CRTC3: variants seen among roughly 807,000 people sequenced by gnomAD.
CRTC3 encodes the protein CREB-regulated transcription coactivator 3.
A neutral mutation model predicts 74.5 loss-of-function variants in CRTC3; 26 were observed. The ratio of observed to expected loss-of-function variants is 0.35; its 90% CI spans 0.26 to 0.48. CRTC3 has a LOEUF of 0.48. CRTC3 is among the 20% of genes least tolerant of loss of function. The pLI, the probability that CRTC3 is intolerant of heterozygous loss-of-function variation, is 0.99. For missense variants in CRTC3, 760 were observed against 787.3 expected, an observed-to-expected ratio of 0.97 and a Z score of 0.41; for synonymous variants, 377 against 325.8, an observed-to-expected ratio of 1.16 and a Z score of -1.69.
chr15:90,578,857 A>G (rs1967469847), intron 2 of CRTC3, among the ~76,000 whole-genome samples: 1 of 152,188 alleles, frequency 6.6e-6, no homozygotes, highest in South Asian at 2.1e-4. Flanking sequence ...TTATCTTTAA[A>G]AGTAATGATT....
At chr15:90,533,122 GGCCGGGC>G (rs1966657518) in intron 1 of CRTC3, among the ~76,000 whole-genome samples, 1 of 96,536 alleles carries the variant, frequency 1.0e-5, no homozygotes, top group Non-Finnish European at 2.1e-5. Context: ...AAAAAAAAAA[GGCCGGGC>G]GCGGTGGGTC....
At chr15:90,640,988 T>A (rs1431761033) in intron 13 of CRTC3, 109 bp from the exon 14 acceptor site, 3 of 717,012 alleles carry the variant, frequency 4.2e-6, no homozygotes, top group Non-Finnish European at 7.6e-6. Context: ...AAGAAGGGAA[T>A]ATGGATTAGT....
intron 6 of CRTC3, 83 bp from the exon 7 acceptor site, chr15:90,614,370 A>G: frequency 1.0e-6 from 1 of 994,752 alleles, no homozygotes; most frequent in Non-Finnish European, 1.5e-6. Context: ...TTCAAATCAT[A>G]AAGAGTTACT....
intron 10 of CRTC3, among the ~76,000 whole-genome samples, chr15:90,627,210 T>C (rs563975501): frequency 8.7e-4 from 133 of 152,366 alleles, no homozygotes; most frequent in African/African-American, 3.1e-3. Flanking sequence ...GTTTGAAGAA[T>C]TGATTTCAGA....
rs1362730983 is a variant in CRTC3, at chr15:90,644,044, C to T, written c.*1904C>T. ...AAATAACCCTCATGGGGTGCCCCTC[C>T]ACCTTCCTCTGGAATCCAAGTATTC... On this transcript the variant is annotated 3_prime_UTR_variant, in exon 15 of 15. Transcript: ENST00000268184. The T allele has an allele frequency of 4.3e-6, 1 of 231,836 alleles. No individual in the cohort carries two copies. The highest frequency in any genetic ancestry group is 8.5e-6 in the Non-Finnish European group (1 of 117,164). The allele number at this position is 231,836 out of a possible 1,614,324, so 14.4% of individuals were successfully genotyped here.
In CRTC3 at chr15:90,530,009, G is replaced by T; in HGVS notation, c.-63G>T. The T allele has an allele frequency of 7.9e-7, 1 of 1,271,008 alleles. No individual in the cohort carries two copies. The allele number at this position is 1,271,008 out of a possible 1,614,324, so 78.7% of individuals were successfully genotyped here. ...GCCCCGGCGGCCTGTGGACGGACGG[G>T]TGGGCCGAGGTACAGGCCCCACGGC... On this transcript the variant is annotated 5_prime_UTR_variant, in exon 1 of 15. Coordinates refer to ENST00000268184, the MANE Select transcript of CRTC3 (RefSeq NM_022769.5). This position sits in a 1 kb window ranked among gnomAD's most constrained non-coding sequence, Gnocchi z 6.2.
chr15:90,570,602 AC>A (rs1419165537), intron 2 of CRTC3, among the ~76,000 whole-genome samples: 1 of 152,170 alleles, frequency 6.6e-6, no homozygotes, highest in African/African-American at 2.4e-5. Flanking sequence ...CCGGCTGTAA[AC>A]AAATCATGGT....
In CRTC3 at chr15:90,584,940, G is replaced by A. The variant is rs187850368; in HGVS notation, c.232-8696G>A. On this transcript the variant is annotated intron_variant, in intron 2 of 14. Coordinates refer to ENST00000268184, the MANE Select transcript of CRTC3 (RefSeq NM_022769.5). ...AGCATTATCGTCAATGAATAGCTTT[G>A]TGACTTTTAGCTAACCGTTTACATA... Among the ~76,000 whole-genome samples the A allele has an allele frequency of 1.5e-4, 23 of 152,248 alleles. 1 individual carries two copies. The highest frequency in any genetic ancestry group is 4.8e-4 in the African/African-American group (20 of 41,520).
intron 11 of CRTC3, among the ~76,000 whole-genome samples, chr15:90,637,585 C>T (rs1330744835): frequency 1.3e-5 from 2 of 152,030 alleles, no homozygotes; most frequent in African/African-American, 4.8e-5. Flanking sequence ...TCTTCTAAAC[C>T]CTGTGTTTTC....
rs534254118 is a variant in CRTC3 at position 90,541,358 on chromosome 15, A to G, written c.231+1221A>G. On this transcript the variant is annotated intron_variant, in intron 2 of 14. Coordinates refer to ENST00000268184, the MANE Select transcript of CRTC3 (RefSeq NM_022769.5). Reference sequence around the variant, plus strand: ...TTTTGATGATGTCAAATAAAGCCAAATGTATTATTTAAGTTGGGGACTTCC... The same window carrying G: ...TTTTGATGATGTCAAATAAAGCCAAGTGTATTATTTAAGTTGGGGACTTCC... 1.7e-4 allele frequency among the ~76,000 whole-genome samples: 26 copies of G among 152,338 alleles called. 1 individual carries two copies. The highest frequency in any genetic ancestry group is 6.3e-4 in the African/African-American group (26 of 41,590).
At chr15:90,593,593 A>G (rs776593341) in intron 2 of CRTC3, 43 bp from the exon 3 acceptor site, 27 of 1,581,450 alleles carry the variant, frequency 1.7e-5, no homozygotes, top group East Asian at 6.8e-5. Flanking sequence ...GTGAGTGTCA[A>G]TTTCATGGTT....
intron 5 of CRTC3, among the ~76,000 whole-genome samples, chr15:90,604,928 T>C (rs1418664853): frequency 6.6e-6 from 1 of 152,100 alleles, no homozygotes; most frequent in Non-Finnish European, 1.5e-5. Flanking sequence ...GTTAAGTGAC[T>C]TGTTTAAGGG....
chr15:90,637,570 A>C (rs1969286867), intron 11 of CRTC3, among the ~76,000 whole-genome samples: 1 of 152,146 alleles, frequency 6.6e-6, no homozygotes, highest in African/African-American at 2.4e-5. Flanking sequence ...AAAGAAAAAG[A>C]AATTTCTTCT....
intron 13 of CRTC3, 95 bp downstream of exon 13, chr15:90,638,910 A>C: frequency 2.0e-6 from 2 of 1,021,172 alleles, no homozygotes; most frequent in Admixed American, 1.9e-5. Context: ...CAGACCAGAC[A>C]TGCCACTTTC....
chr15:90,545,776 C>T (rs972924164), intron 2 of CRTC3, among the ~76,000 whole-genome samples: 5 of 152,062 alleles, frequency 3.3e-5, no homozygotes, highest in East Asian at 1.9e-4. Flanking sequence ...GACGGGGTTT[C>T]ACTGTGTTAG....
At chr15:90,578,698 CA>C (rs1567172013) in intron 2 of CRTC3, among the ~76,000 whole-genome samples, 1 of 152,070 alleles carries the variant, frequency 6.6e-6, no homozygotes, top group African/African-American at 2.4e-5. Flanking sequence ...TCACAAGAAG[CA>C]AAAAATCTGG....
chr15:90,616,847 G>A (rs562586858), intron 7 of CRTC3, among the ~76,000 whole-genome samples: 1 of 152,336 alleles, frequency 6.6e-6, no homozygotes, highest in East Asian at 1.9e-4. Flanking sequence ...CAGCTGCCCA[G>A]CCTCAGATCC....
Position 90,643,492 on chromosome 15 carries a change from C to T in CRTC3, c.*1352C>T, listed in dbSNP as rs1385874834. 8.7e-6 allele frequency: 2 copies of T among 229,434 alleles called. No homozygotes were observed. The highest frequency in any genetic ancestry group is 1.7e-5 in the Non-Finnish European group (2 of 115,710). 14.2% of individuals were successfully genotyped at this position (229,434 alleles called of 1,614,324 possible). ...TGCCCTGAGCATCCTGGCTGGGCCCCACCCAGGAAGATCTTCCTTCTCAGA... is the reference window on the plus strand; with the variant it reads ...TGCCCTGAGCATCCTGGCTGGGCCCTACCCAGGAAGATCTTCCTTCTCAGA... On this transcript the variant is annotated 3_prime_UTR_variant, in exon 15 of 15. Transcript: ENST00000268184.
intron 2 of CRTC3, among the ~76,000 whole-genome samples, chr15:90,576,519 T>A (rs1251409703): frequency 6.6e-6 from 1 of 151,798 alleles, no homozygotes; most frequent in East Asian, 1.9e-4. Flanking sequence ...GGCTGTTGAA[T>A]GTATAAGTCT....
Sources: allele counts gnomAD v4.1 joint callset (sites outside exome capture counted in the v4.1 genomes callset), GRCh38; gene constraint gnomAD v4.1.1; non-coding constraint Gnocchi (gnomAD v3.1); transcripts MANE v1.5; gene names NCBI Gene and HGNC (gene_info 2026-07-23, HGNC 2026-07-21).